The following CBLN2 variants were observed in gnomAD, a reference collection of about 807,000 sequenced individuals.
CBLN2 encodes cerebellin-2.
A neutral mutation model predicts 15.0 loss-of-function variants in CBLN2; 7 were observed. The observed-to-expected ratio is 0.47, with a 90% CI of 0.27 to 0.88. CBLN2 has a LOEUF of 0.88. Among genes scored for constraint, CBLN2 ranks in the 40% least tolerant of loss-of-function variants. CBLN2 has a pLI of 0.14. For missense variants in CBLN2, 242 were observed against 304.5 expected (o/e 0.79, Z 1.53); for synonymous variants, 149 against 135.2 (o/e 1.10, Z -0.71).
chr18:72,590,228 G>A (rs1298130697), intron 1 of CBLN2, among the ~76,000 whole-genome samples: 1 of 151,544 alleles, frequency 6.6e-6, no homozygotes, highest in East Asian at 1.9e-4. Flanking sequence ...TGGCGCCACT[G>A]CACTCCAGCC....
At chr18:72,546,399 T>G (rs1005881919), upstream of CBLN2, among the ~76,000 whole-genome samples, 2 of 151,576 alleles carry the variant, frequency 1.3e-5, no homozygotes, top group Non-Finnish European at 2.9e-5. Flanking sequence ...ATCGGGCCAC[T>G]GCAGTCCTCC....
At chr18:72,545,104 A>G (rs2069149004), upstream of CBLN2, among the ~76,000 whole-genome samples, 3 of 152,212 alleles carry the variant, frequency 2.0e-5, no homozygotes, top group African/African-American at 7.2e-5. Context: ...GTCTGATTCC[A>G]CCTTAACAAA....
upstream of CBLN2, chr18:72,544,417 C>G (rs965331312): frequency 6.6e-6 from 1 of 152,180 alleles, no homozygotes. Flanking sequence ...CGGGGAGACG[C>G]GCTGGGTTTC....
At chr18:72,607,062 A>G (rs966716193) in intron 1 of CBLN2, among the ~76,000 whole-genome samples, 4 of 152,198 alleles carry the variant, frequency 2.6e-5, no homozygotes, top group Non-Finnish European at 5.9e-5. Flanking sequence ...CTTTATCCCA[A>G]TATTATTGGT....
At chr18:72,632,299 G>T (rs2144980679) in intron 1 of CBLN2, among the ~76,000 whole-genome samples, 1 of 152,122 alleles carries the variant, frequency 6.6e-6, no homozygotes, top group South Asian at 2.1e-4. Flanking sequence ...ATAAGGTAAT[G>T]TTTTACCTTG....
At chr18:72,550,334 A>G (rs1376070168) in intron 1 of CBLN2, among the ~76,000 whole-genome samples, 1 of 152,208 alleles carries the variant, frequency 6.6e-6, no homozygotes, top group Non-Finnish European at 1.5e-5. Context: ...AATAGATTAC[A>G]TTGCACCATC....
In CBLN2 at chr18:72,538,428, C is replaced by T. The variant is rs1434622952; in HGVS notation, c.478-55G>A. The T allele has an allele frequency of 2.5e-6, 4 of 1,578,172 alleles. No homozygotes were observed. In the East Asian group the frequency reaches 6.7e-5, roughly 27 times the overall value. ...CCATAAAGCACCCAACTCCCACACA[C>T]TGTTCTCTCCTTTGCCAATATCCCC... On this transcript the variant is annotated intron_variant, in intron 4 of 4. Coordinates refer to ENST00000269503, the MANE Select transcript of CBLN2 (RefSeq NM_182511.4).
intron 2 of CBLN2, 107 bp from the exon 3 acceptor site, chr18:72,542,433 C>T (rs980768064): frequency 9.8e-6 from 2 of 204,952 alleles, no homozygotes; most frequent in Non-Finnish European, 1.9e-5. Flanking sequence ...CCGAAGGCCA[C>T]CCCCTTGGTC....
At chr18:72,573,392 T>C (rs913880774) in intron 1 of CBLN2, among the ~76,000 whole-genome samples, 11 of 152,310 alleles carry the variant, frequency 7.2e-5, no homozygotes, top group African/African-American at 1.9e-4. Flanking sequence ...ACAGAATAGT[T>C]CCATTTCCCT....
intron 1 of CBLN2, among the ~76,000 whole-genome samples, chr18:72,603,279 G>A (rs930929459): frequency 6.6e-6 from 1 of 152,096 alleles, no homozygotes; most frequent in African/African-American, 2.4e-5. Flanking sequence ...CTTTTCAATG[G>A]TATGGGACTA....
chr18:72,610,743 T>C (rs1454633679), intron 1 of CBLN2, among the ~76,000 whole-genome samples: 1 of 152,234 alleles, frequency 6.6e-6, no homozygotes, highest in Admixed American at 6.5e-5. Context: ...GTGGCTCATT[T>C]AAAAATAGAA....
At chr18:72,591,378 G>A (rs1443929479) in intron 1 of CBLN2, among the ~76,000 whole-genome samples, 1 of 152,078 alleles carries the variant, frequency 6.6e-6, no homozygotes, top group African/African-American at 2.4e-5. Context: ...TAGGTATGTG[G>A]TAAGTGTATA....
At position 72,613,622 on chromosome 18, in the gene CBLN2, G is replaced by A. The variant is rs530532917; in HGVS notation, c.15+24703C>T. Among the ~76,000 whole-genome samples the A allele has an allele frequency of 2.0e-4, 30 of 152,266 alleles. No individual in the cohort carries two copies. In the South Asian group the frequency reaches 6.2e-3, roughly 32 times the overall value. ...CAATGCTGGGGTCAGAAGGAGGCAG[G>A]CTGTGAGTGAGGGAATGTCAAAGAA... is the stretch of plus-strand genomic sequence containing the variant. On this transcript the variant is annotated intron_variant, in intron 1 of 2. Coordinates refer to the CBLN2 transcript ENST00000581073.
intron 1 of CBLN2, among the ~76,000 whole-genome samples, chr18:72,574,199 T>C (rs1054714254): frequency 6.4e-4 from 98 of 152,340 alleles, no homozygotes; most frequent in African/African-American, 2.3e-3. Context: ...TTATTAGATA[T>C]GCCTTTTGCA....
chr18:72,626,745 A>G (rs187812393), intron 1 of CBLN2, among the ~76,000 whole-genome samples: 3 of 152,270 alleles, frequency 2.0e-5, no homozygotes, highest in African/African-American at 7.2e-5. Flanking sequence ...TTCATGATCC[A>G]GAAGGAGCCA....
Position 72,627,831 on chromosome 18 carries a change from T to C in CBLN2, c.15+10494A>G, listed in dbSNP as rs557039387. Among the ~76,000 whole-genome samples, 42 of 152,354 alleles carry C rather than the reference T, an allele frequency of 2.8e-4. 1 individual carries two copies. In the South Asian group the frequency reaches 8.5e-3, roughly 31 times the overall value. ...AAAGTTCAAAATTTTAAATAAAAGT[T>C]GTTCTATTTCTTATATGTATAGCTT... On this transcript the variant is annotated intron_variant, in intron 1 of 2. Coordinates refer to the CBLN2 transcript ENST00000581073.
At chr18:72,560,667 C>T (rs931428926) in intron 1 of CBLN2, among the ~76,000 whole-genome samples, 3 of 152,138 alleles carry the variant, frequency 2.0e-5, no homozygotes, top group South Asian at 2.1e-4. Context: ...GATCTCTATT[C>T]TATGATACAT....
intron 1 of CBLN2, among the ~76,000 whole-genome samples, chr18:72,551,029 C>T (rs150295268): frequency 5.3e-5 from 8 of 152,154 alleles, no homozygotes; most frequent in Admixed American, 3.3e-4. Context: ...ATGTCTTTCA[C>T]ACCCATAAAC....
At chr18:72,564,611 A>C (rs1434525424) in intron 1 of CBLN2, among the ~76,000 whole-genome samples, 2 of 152,200 alleles carry the variant, frequency 1.3e-5, no homozygotes. Flanking sequence ...CAGAGATACA[A>C]AAAAGAATGG....
Sources: allele counts gnomAD v4.1 joint callset (sites outside exome capture counted in the v4.1 genomes callset), GRCh38; gene constraint gnomAD v4.1.1; transcripts MANE v1.5; gene names NCBI Gene and HGNC (gene_info 2026-07-23, HGNC 2026-07-21).